The following DLC1 variants were observed in gnomAD, a reference collection of about 807,000 sequenced individuals.
The protein encoded by DLC1 is DLC1 Rho GTPase activating protein, also known as rho GTPase-activating protein 7.
In DLC1, 54 loss-of-function variants were observed where a neutral mutation model predicts 140.3. That is an observed-to-expected ratio of 0.38 (90% CI 0.31 to 0.48). DLC1 has a LOEUF of 0.48. DLC1 is among the 20% of genes least tolerant of loss of function. The probability of loss-of-function intolerance (pLI) is 0.96; values close to 1 mark genes in which losing one functional copy is unlikely to be tolerated. For synonymous variants in DLC1, 986 were observed against 728.1 expected (o/e 1.35, Z -5.70); for missense variants, 2,536 against 1,907.0 (o/e 1.33, Z -6.14).
At chr8:13,225,947 G>A (rs907255342) in intron 5 of DLC1, among the ~76,000 whole-genome samples, 1 of 152,072 alleles carries the variant, frequency 6.6e-6, no homozygotes, top group Non-Finnish European at 1.5e-5. Context: ...CGGTCTCCCT[G>A]TGTTGCCCAA....
chr8:13,525,232 G>A (rs1802883341), intron 1 of DLC1, among the ~76,000 whole-genome samples: 1 of 152,138 alleles, frequency 6.6e-6, no homozygotes, highest in African/African-American at 2.4e-5. Context: ...CCAGTCATCT[G>A]GTGATGGACA....
At chr8:13,129,116 G>C (rs41326745) in intron 5 of DLC1, among the ~76,000 whole-genome samples, 1 of 152,136 alleles carries the variant, frequency 6.6e-6, no homozygotes, top group African/African-American at 2.4e-5. Flanking sequence ...ACATTAACTG[G>C]ATCTCTAACT....
At chr8:13,415,659 A>C (rs6986942) in intron 2 of DLC1, among the ~76,000 whole-genome samples, 80,804 of 151,966 alleles carry the variant, frequency 0.53, 22,164 homozygotes, top group Middle Eastern at 0.62. Flanking sequence ...TTGGCCTCTC[A>C]AAGTGCTGGG....
chr8:13,098,432 T>C lies in DLC1; in HGVS notation c.3134A>G (p.Lys1045Arg). 6.2e-7 allele frequency: 1 copy of C among 1,614,158 alleles called. No individual in the cohort carries two copies. Among genetic ancestry groups the C allele is most frequent in the Non-Finnish European group, 8.5e-7 (1 of 1,180,010 alleles). ...ACCATGCTTGTTAGAAGGTGTGTAT[T>C]TCTCCAGCAGGGCCGTTAGCTTTAG... is the stretch of plus-strand genomic sequence containing the variant. Reference protein sequence around the residue: ...SLLKLTALLEKYTPSNKHGFS... With the variant: ...SLLKLTALLERYTPSNKHGFS... The change falls in exon 10 of 18, where the codon AAA becomes AGA. Residue 1045 changes from lysine (K) to arginine (R), a missense_variant. Transcript: ENST00000276297.
At chr8:13,094,606 C>T (rs1818351105) in intron 12 of DLC1, among the ~76,000 whole-genome samples, 153 bp downstream of exon 12, 1 of 151,894 alleles carries the variant, frequency 6.6e-6, no homozygotes, top group African/African-American at 2.4e-5. Flanking sequence ...GCAGAGGTTG[C>T]AGTGAGCCGA....
chr8:13,567,870 T>C (rs573459343), intron 1 of DLC1: 165 of 1,551,792 alleles, frequency 1.1e-4, no homozygotes, highest in Non-Finnish European at 1.3e-4. Context: ...ATAGTGCTTG[T>C]CATTTACCAT....
At chr8:13,374,313 A>T (rs77152442) in intron 4 of DLC1, among the ~76,000 whole-genome samples, 3 of 35,204 alleles carry the variant, frequency 8.5e-5, no homozygotes, top group African/African-American at 3.9e-4. Flanking sequence ...CTTTTTTTTT[A>T]ATGTATTGAT....
chr8:13,415,972 C>G (rs995375065), intron 2 of DLC1, among the ~76,000 whole-genome samples: 2 of 152,088 alleles, frequency 1.3e-5, no homozygotes, highest in African/African-American at 4.8e-5. Flanking sequence ...AGTTAGGATA[C>G]AGCTTGGGAG....
chr8:13,525,454 C>T (rs1802891412), intron 1 of DLC1, among the ~76,000 whole-genome samples: 1 of 152,088 alleles, frequency 6.6e-6, no homozygotes, highest in Non-Finnish European at 1.5e-5. Flanking sequence ...TTACCACCAC[C>T]GATTTCTAAG....
chr8:13,522,211 A>G lies in DLC1; in HGVS notation c.-125-22015T>C, dbSNP rs558315448. Among the ~76,000 whole-genome samples, 4 of 152,328 alleles carry G rather than the reference A, an allele frequency of 2.6e-5. No individual in the cohort carries two copies. The East Asian group carries it at 7.7e-4, about 29-fold the overall frequency. On this transcript the variant is annotated intron_variant, in intron 1 of 1. Coordinates refer to the DLC1 transcript ENST00000631382. ...AATCTCAAAGGGCAGAGATTTAACC[A>G]GAAAAGAGCTTTTACAATGGAGAAG... is the stretch of plus-strand genomic sequence containing the variant.
At chr8:13,359,857 T>C (rs1835139491) in intron 4 of DLC1, among the ~76,000 whole-genome samples, 1 of 152,218 alleles carries the variant, frequency 6.6e-6, no homozygotes, top group Non-Finnish European at 1.5e-5. Context: ...GTTATTTAAG[T>C]TCTCATGCTA....
At chr8:13,594,512 C>T (rs1349264964) in intron 1 of DLC1, among the ~76,000 whole-genome samples, 2 of 152,094 alleles carry the variant, frequency 1.3e-5, no homozygotes, top group African/African-American at 4.8e-5. Context: ...TGAGAGAATA[C>T]CACAAGTCTG....
chr8:13,232,323 T>C (rs1308880535), intron 5 of DLC1, among the ~76,000 whole-genome samples: 2 of 151,926 alleles, frequency 1.3e-5, no homozygotes, highest in Non-Finnish European at 2.9e-5. Context: ...CATTCCAACC[T>C]GATGATTCTG....
chr8:13,411,152 G>T (rs917851158), intron 2 of DLC1, among the ~76,000 whole-genome samples: 28 of 152,152 alleles, frequency 1.8e-4, no homozygotes, highest in African/African-American at 6.8e-4. Flanking sequence ...CTTGCTGAAG[G>T]TTGAACTAAC....
intron 5 of DLC1, among the ~76,000 whole-genome samples, chr8:13,242,228 G>A (rs1463931714): frequency 6.6e-6 from 1 of 152,032 alleles, no homozygotes; most frequent in Admixed American, 6.6e-5. Context: ...ATCTTTCCTA[G>A]AGCATCAATA....
Position 13,443,109 on chromosome 8 carries a change from A to C in DLC1, c.1024-41490T>G, listed in dbSNP as rs866701273. The stretch of plus-strand genomic sequence containing the variant: ...CTCAGCAAACTATCTCAAGGACAAA[A>C]AACCAAACACTGCATGTTCTGACTC... On this transcript the variant is annotated intron_variant, in intron 2 of 17. Coordinates refer to ENST00000276297, the MANE Select transcript of DLC1 (RefSeq NM_182643.3). Among the ~76,000 whole-genome samples, 62 of 151,910 alleles carry C rather than the reference A, an allele frequency of 4.1e-4. 1 individual carries two copies. The Middle Eastern group carries it at 0.014, about 33-fold the overall frequency.
chr8:13,488,299 C>G (rs958766905), intron 2 of DLC1, among the ~76,000 whole-genome samples: 1 of 152,078 alleles, frequency 6.6e-6, no homozygotes, highest in African/African-American at 2.4e-5. Context: ...CTGCTAATGC[C>G]TTAGTCACAA....
intron 2 of DLC1, among the ~76,000 whole-genome samples, chr8:13,491,737 T>A (rs1456026321): frequency 1.3e-5 from 2 of 152,170 alleles, no homozygotes; most frequent in Non-Finnish European, 2.9e-5. Flanking sequence ...TTCCCTCATG[T>A]CCTGATTTAG....
intron 1 of DLC1, among the ~76,000 whole-genome samples, chr8:13,523,778 A>G (rs1802831206): frequency 6.6e-6 from 1 of 152,180 alleles, no homozygotes; most frequent in South Asian, 2.1e-4. Context: ...AATACATGGC[A>G]TGGTAACTAT....
Sources: allele counts gnomAD v4.1 joint callset (sites outside exome capture counted in the v4.1 genomes callset), GRCh38; gene constraint gnomAD v4.1.1; transcripts MANE v1.5; gene names NCBI Gene and HGNC (gene_info 2026-07-23, HGNC 2026-07-21).